CUX1: variants seen among roughly 807,000 people sequenced by gnomAD.
CUX1 encodes the protein protein CASP.
Under a neutral mutation model 158.8 loss-of-function variants are expected in CUX1, and 31 were observed. The observed-to-expected ratio is 0.20, with a 90% CI of 0.15 to 0.26. CUX1 has a LOEUF of 0.26. Ranked by LOEUF, CUX1 falls within the 10% of genes least tolerant of loss-of-function variation. The pLI is 1.00. For synonymous variants in CUX1, 879 were observed against 862.1 expected, an observed-to-expected ratio of 1.02 and a Z score of -0.34; for missense variants, 1,589 against 2,014.6, an observed-to-expected ratio of 0.79 and a Z score of 4.04.
chr7:101,816,100 C>G (rs1273103175), upstream of CUX1: 1 of 1,360,240 alleles, frequency 7.4e-7, no homozygotes, highest in Non-Finnish European at 9.7e-7. Context: ...GCAGGTCAGG[C>G]TCCTCCGCGC....
intron 8 of CUX1, among the ~76,000 whole-genome samples, chr7:102,137,945 G>A (rs1834071174): frequency 6.6e-6 from 1 of 152,096 alleles, no homozygotes; most frequent in Admixed American, 6.5e-5. Context: ...CAACACTTTG[G>A]GAGGCCAAGG....
At chr7:101,889,092 C>G (rs566435407) in intron 1 of CUX1, among the ~76,000 whole-genome samples, 30 of 151,480 alleles carry the variant, frequency 2.0e-4, no homozygotes, top group African/African-American at 6.3e-4. Flanking sequence ...ATAACCAGAC[C>G]CCGTCTCTAC....
At chr7:102,012,609 CTT>C (rs1356776782) in intron 2 of CUX1, among the ~76,000 whole-genome samples, 1 of 151,736 alleles carries the variant, frequency 6.6e-6, no homozygotes, top group Non-Finnish European at 1.5e-5. Flanking sequence ...TGACTGGACT[CTT>C]TGAAGGTACT....
At chr7:102,024,524 G>A (rs983283305) in intron 2 of CUX1, among the ~76,000 whole-genome samples, 7 of 152,142 alleles carry the variant, frequency 4.6e-5, no homozygotes, top group East Asian at 1.9e-4. Context: ...ATGGGGTTTC[G>A]TCATGCTGGC....
chr7:102,110,318 T>G (rs1225311637), intron 6 of CUX1, among the ~76,000 whole-genome samples: 1 of 152,248 alleles, frequency 6.6e-6, no homozygotes, highest in Non-Finnish European at 1.5e-5. Context: ...ATATTCACAT[T>G]ATGTTATAGC....
At chr7:102,109,328 C>T (rs1440234189) in intron 6 of CUX1, among the ~76,000 whole-genome samples, 3 of 152,102 alleles carry the variant, frequency 2.0e-5, no homozygotes, top group Non-Finnish European at 4.4e-5. Flanking sequence ...GATAAGTAGG[C>T]ATGTCATACA....
intron 3 of CUX1, among the ~76,000 whole-genome samples, chr7:102,064,945 C>T (rs991931560): frequency 6.6e-6 from 1 of 152,148 alleles, no homozygotes; most frequent in Non-Finnish European, 1.5e-5. Flanking sequence ...GAGAGGTTAG[C>T]GAAGGGTGTT....
rs184393381 is a variant in CUX1, at chr7:102,207,726, A to G, written c.3130+2556A>G. Among the ~76,000 whole-genome samples the G allele has an allele frequency of 2.4e-4, 36 of 152,260 alleles. No homozygotes were observed. The East Asian group carries it at 5.0e-3, about 21-fold the overall frequency. On this transcript the variant is annotated intron_variant, in intron 20 of 23. Transcript: ENST00000292535. ...CTTGGCCTCCCAAAGTGCTGGGATT[A>G]CAGGTGTGAGCCACTGCACCTGGCC...
chr7:101,967,310 C>G (rs563206028), intron 2 of CUX1, among the ~76,000 whole-genome samples: 2 of 152,184 alleles, frequency 1.3e-5, no homozygotes, highest in Non-Finnish European at 2.9e-5. Flanking sequence ...CCACCGCGCC[C>G]GGCCAGAAAT....
At chr7:101,826,058 G>A (rs1048820426) in intron 1 of CUX1, among the ~76,000 whole-genome samples, 1 of 152,098 alleles carries the variant, frequency 6.6e-6, no homozygotes, top group Non-Finnish European at 1.5e-5. Flanking sequence ...AGCAGACAGA[G>A]TTCCTGATAG....
chr7:102,274,354 G>A (rs782161922), intron 16 of CUX1: 15 of 1,543,912 alleles, frequency 9.7e-6, no homozygotes, highest in South Asian at 5.6e-5. Flanking sequence ...GAGGAGGGAA[G>A]AGGAGACAGG....
Position 102,117,311 on chromosome 7 carries a change from T to C in CUX1, c.674+2038T>C, listed in dbSNP as rs546731644. On this transcript the variant is annotated intron_variant, in intron 8 of 23. Transcript: ENST00000292535. The stretch of plus-strand genomic sequence containing the variant: ...TACTGAGGTGGCTGAGGCAGGAGAA[T>C]CGCTTGAACTCTGGAGGCAGAGATT... Among the ~76,000 whole-genome samples, 33 of 144,750 alleles carry C rather than the reference T, an allele frequency of 2.3e-4. No homozygotes were observed. The South Asian group carries it at 6.0e-3, about 26-fold the overall frequency. 95.0% of individuals were successfully genotyped at this position (144,750 alleles called of 152,430 possible). A position where few individuals can be genotyped will look rare whatever the true frequency, so the allele number is the denominator to read the frequency against.
rs1801713427 is a variant in CUX1 at position 102,253,263 on chromosome 7, G to A, written c.*4221G>A. 4 of 985,586 alleles carry A rather than the reference G, an allele frequency of 4.1e-6. No homozygotes were observed. The highest frequency in any genetic ancestry group is 4.8e-6 in the Non-Finnish European group (4 of 830,044). 61.1% of individuals were successfully genotyped at this position (985,586 alleles called of 1,614,324 possible). ...TCTGGCCACCGCCCAAGCCCAGGTG[G>A]CCAGCTCTCATACCCCATCTCCCTC... On this transcript the variant is annotated 3_prime_UTR_variant, in exon 24 of 24. Transcript: ENST00000292535.
chr7:101,922,798 C>T (rs558317655), intron 2 of CUX1, among the ~76,000 whole-genome samples: 2 of 152,276 alleles, frequency 1.3e-5, no homozygotes, highest in East Asian at 3.9e-4. Flanking sequence ...AGCAAGGCCA[C>T]CTGATGTGAC....
In CUX1 at chr7:102,273,629, T is replaced by C. The variant is rs868969572; in HGVS notation, c.1383+136T>C. ...CCAGAAGGGCTGTCACCTAAAACCA[T>C]TGGGTTCTCCCTGCTTACTCCATGA... On this transcript the variant is annotated intron_variant, in intron 15 of 22. Coordinates refer to the CUX1 transcript ENST00000292538. The C allele has an allele frequency of 2.6e-5, 29 of 1,129,044 alleles. 1 individual carries two copies. In the South Asian group the frequency reaches 2.9e-4, roughly 11 times the overall value. 69.9% of individuals were successfully genotyped at this position (1,129,044 alleles called of 1,614,324 possible).
intron 6 of CUX1, among the ~76,000 whole-genome samples, chr7:102,108,205 G>A (rs556018533): frequency 5.3e-5 from 8 of 152,220 alleles, no homozygotes; most frequent in African/African-American, 1.4e-4. Context: ...CATGAGAAAC[G>A]TACCTAATAT....
upstream of CUX1, chr7:101,817,121 C>A (rs969649313): frequency 2.0e-6 from 2 of 984,408 alleles, no homozygotes; most frequent in Admixed American, 6.2e-5. The surrounding 1 kb of genome is among the most constrained non-coding windows in gnomAD (Gnocchi z 4.1). Context: ...GTGTCCCGGA[C>A]CGCCGGGTGC....
chr7:102,221,067 C>T lies in CUX1; in HGVS notation c.3131-6300C>T, dbSNP rs575675165. 2.6e-5 allele frequency among the ~76,000 whole-genome samples: 4 copies of T among 152,270 alleles called. No homozygotes were observed. In the East Asian group the frequency reaches 7.7e-4, roughly 29 times the overall value. On this transcript the variant is annotated intron_variant, in intron 20 of 23. Transcript: ENST00000292535. Reference sequence around the variant, plus strand: ...ACGACCACCTCCCCTCTCCCCTCTCCCCTAACCTCCTCCCTCCTTCCACCC... The same window carrying T: ...ACGACCACCTCCCCTCTCCCCTCTCTCCTAACCTCCTCCCTCCTTCCACCC...
At chr7:101,842,291 A>G (rs1337361388) in intron 1 of CUX1, among the ~76,000 whole-genome samples, 3 of 152,276 alleles carry the variant, frequency 2.0e-5, no homozygotes, top group Non-Finnish European at 4.4e-5. Flanking sequence ...TATATGCAGT[A>G]TACAAGTGAC....
Sources: allele counts gnomAD v4.1 joint callset (sites outside exome capture counted in the v4.1 genomes callset), GRCh38; gene constraint gnomAD v4.1.1; non-coding constraint Gnocchi (gnomAD v3.1); transcripts MANE v1.5; gene names NCBI Gene and HGNC (gene_info 2026-07-23, HGNC 2026-07-21).